SPOCK1: variants seen among roughly 807,000 people sequenced by gnomAD.
SPOCK1 encodes the protein testican-1.
SPOCK1 carries 23 observed loss-of-function variants against 55.3 expected under a neutral mutation model. The observed-to-expected ratio is 0.42, with a 90% CI of 0.30 to 0.59. The LOEUF is 0.59. Among genes scored for constraint, SPOCK1 ranks in the 20% least tolerant of loss-of-function variants. SPOCK1 has a pLI of 0.22. For missense variants in SPOCK1, 499 were observed against 552.5 expected (o/e 0.90, Z 0.97); for synonymous variants, 226 against 221.0 (o/e 1.02, Z -0.20).
chr5:137,033,332 A>ACGTGCCTTCGAATTTG (rs1561585814), intron 6 of SPOCK1, among the ~76,000 whole-genome samples: 1 of 152,218 alleles, frequency 6.6e-6, no homozygotes, highest in Admixed American at 6.5e-5. Context: ...TGAACATGCT[A>ACGTGCCTTCGAATTTG]CGTGCCTTCG....
chr5:137,186,696 A>G (rs1476223040), intron 3 of SPOCK1, among the ~76,000 whole-genome samples: 1 of 152,106 alleles, frequency 6.6e-6, no homozygotes, highest in Non-Finnish European at 1.5e-5. Flanking sequence ...TGTTCTCTGC[A>G]CTCCTTTCAA....
At chr5:137,225,102 C>A (rs1050747635) in intron 3 of SPOCK1, among the ~76,000 whole-genome samples, 1 of 152,042 alleles carries the variant, frequency 6.6e-6, no homozygotes, top group African/African-American at 2.4e-5. Flanking sequence ...ACCAAGCCAG[C>A]CCAAGAGCCG....
At chr5:137,400,460 C>G (rs1751951088) in intron 2 of SPOCK1, among the ~76,000 whole-genome samples, 1 of 152,200 alleles carries the variant, frequency 6.6e-6, no homozygotes, top group South Asian at 2.1e-4. Flanking sequence ...AGAGTCTCTA[C>G]CCACATGTAC....
At chr5:137,279,835 C>A (rs1757135590) in intron 2 of SPOCK1, among the ~76,000 whole-genome samples, 1 of 152,216 alleles carries the variant, frequency 6.6e-6, no homozygotes, top group Admixed American at 6.5e-5. Flanking sequence ...GCAAGTTTTG[C>A]CATGCCACCT....
intron 2 of SPOCK1, among the ~76,000 whole-genome samples, chr5:137,431,070 C>A (rs1222100411): frequency 6.6e-6 from 1 of 152,212 alleles, no homozygotes; most frequent in Non-Finnish European, 1.5e-5. Flanking sequence ...AGCCACCCCA[C>A]AAACAGGAAG....
intron 6 of SPOCK1, among the ~76,000 whole-genome samples, chr5:137,040,683 T>C (rs1042858590): frequency 2.6e-5 from 4 of 152,228 alleles, no homozygotes; most frequent in Non-Finnish European, 5.9e-5. Flanking sequence ...TGAGATCCAG[T>C]TCATCCTAAA....
chr5:137,132,528 A>C (rs1389670010), intron 4 of SPOCK1, among the ~76,000 whole-genome samples: 1 of 152,256 alleles, frequency 6.6e-6, no homozygotes, highest in Non-Finnish European at 1.5e-5. Flanking sequence ...AGAACTGCAG[A>C]GAAGGGCAGT....
At chr5:137,467,897 A>G (rs1285814283) in intron 2 of SPOCK1, among the ~76,000 whole-genome samples, 2 of 152,206 alleles carry the variant, frequency 1.3e-5, no homozygotes, top group Non-Finnish European at 2.9e-5. Context: ...AAATTCAACA[A>G]TGTACTTCAG....
At chr5:137,076,135 C>A (rs1019672128) in intron 5 of SPOCK1, among the ~76,000 whole-genome samples, 1 of 152,118 alleles carries the variant, frequency 6.6e-6, no homozygotes, top group Admixed American at 6.5e-5. Flanking sequence ...AGAGCCCAGA[C>A]CCGAAGGGCT....
At chr5:137,441,909 G>A (rs1034060602) in intron 2 of SPOCK1, among the ~76,000 whole-genome samples, 2 of 152,180 alleles carry the variant, frequency 1.3e-5, no homozygotes, top group Non-Finnish European at 2.9e-5. Context: ...ACCCCCAACA[G>A]AGCCAGAAAG....
At chr5:136,986,648 T>G (rs1231820024) in intron 8 of SPOCK1, among the ~76,000 whole-genome samples, 1 of 151,986 alleles carries the variant, frequency 6.6e-6, no homozygotes, top group African/African-American at 2.4e-5. Context: ...AGTAAGGTGG[T>G]TGAGAACAAA....
chr5:137,329,902 C>T (rs944869328), intron 2 of SPOCK1, among the ~76,000 whole-genome samples: 2 of 152,118 alleles, frequency 1.3e-5, no homozygotes, highest in East Asian at 3.9e-4. Flanking sequence ...GGGGTCAGAA[C>T]CTTCTTTGTA....
At chr5:137,175,982 A>G (rs1177426733) in intron 3 of SPOCK1, among the ~76,000 whole-genome samples, 1 of 152,226 alleles carries the variant, frequency 6.6e-6, no homozygotes, top group Non-Finnish European at 1.5e-5. Flanking sequence ...CACTGCCCAC[A>G]TGTATTTTTG....
intron 3 of SPOCK1, among the ~76,000 whole-genome samples, chr5:137,254,947 T>C (rs1205722664): frequency 6.6e-6 from 1 of 152,216 alleles, no homozygotes; most frequent in Non-Finnish European, 1.5e-5. Context: ...CTGTTCCCAA[T>C]GCTAATCAGT....
intron 5 of SPOCK1, among the ~76,000 whole-genome samples, chr5:137,076,463 A>G (rs1208273222): frequency 6.6e-6 from 1 of 152,176 alleles, no homozygotes; most frequent in African/African-American, 2.4e-5. Flanking sequence ...TAACCAACAA[A>G]CATCATAGCT....
intron 3 of SPOCK1, among the ~76,000 whole-genome samples, chr5:137,239,459 A>G (rs979223901): frequency 6.6e-6 from 1 of 152,194 alleles, no homozygotes; most frequent in African/African-American, 2.4e-5. Flanking sequence ...CATATTGAAC[A>G]TGAGACGGGA....
At chr5:137,449,908 A>G (rs144857085) in intron 2 of SPOCK1, among the ~76,000 whole-genome samples, 3 of 147,288 alleles carry the variant, frequency 2.0e-5, no homozygotes, top group East Asian at 3.9e-4. Flanking sequence ...AAAAAAAAAA[A>G]AAAAAAAAAG....
intron 3 of SPOCK1, among the ~76,000 whole-genome samples, chr5:137,200,015 C>A (rs1156643480): frequency 6.6e-6 from 1 of 152,238 alleles, no homozygotes; most frequent in East Asian, 1.9e-4. Context: ...GGCCCAAGCC[C>A]CTAGTGCCCT....
intron 2 of SPOCK1, among the ~76,000 whole-genome samples, chr5:137,464,129 T>A (rs1753550116): frequency 6.6e-6 from 1 of 151,858 alleles, no homozygotes; most frequent in African/African-American, 2.4e-5. Flanking sequence ...CAAAATTCCA[T>A]CTCTTAAATA....
Sources: gnomAD v4.1 joint callset for allele counts (sites outside exome capture counted in the v4.1 genomes callset) on GRCh38, gnomAD v4.1.1 for gene constraint, MANE v1.5 for transcripts, NCBI Gene and HGNC (gene_info 2026-07-23, HGNC 2026-07-21) for gene names.